Variants in HIVEP1 observed in about 807,000 individuals in gnomAD.
HIVEP1 encodes the protein zinc finger protein 40.
HIVEP1 carries 36 observed loss-of-function variants against 180.0 expected under a neutral mutation model. The ratio of observed to expected loss-of-function variants is 0.20; its 90% CI spans 0.15 to 0.26. The LOEUF is 0.26. Among genes scored for constraint, HIVEP1 ranks in the 10% least tolerant of loss-of-function variants. HIVEP1 has a pLI of 1.00. For missense variants in HIVEP1, 3,143 were observed against 3,268.7 expected (o/e 0.96, Z 0.94); for synonymous variants, 1,239 against 1,239.0 (o/e 1.00, Z 0.00).
At chr6:12,008,920 A>G (rs1767136489), upstream of HIVEP1, 1 of 152,336 alleles carries the variant, frequency 6.6e-6, no homozygotes, top group Non-Finnish European at 1.5e-5. Flanking sequence ...TGGCTTGGGA[A>G]GAGCCTGGGC....
chr6:12,208,154 A>T, the HIVEP1 span, among the ~76,000 whole-genome samples: 1 of 152,206 alleles, frequency 6.6e-6, no homozygotes, highest in Non-Finnish European at 1.5e-5. Context: ...TTCCATAGAT[A>T]ATAGTAGTTA....
At chr6:12,112,213 G>T (rs896524708) in intron 3 of HIVEP1, among the ~76,000 whole-genome samples, 4 of 151,682 alleles carry the variant, frequency 2.6e-5, no homozygotes, top group African/African-American at 2.4e-5. Context: ...TCTTTCAGTA[G>T]TGTAAAAATA....
rs185178689 is a variant in HIVEP1 at position 12,163,368 on chromosome 6, A to G, written c.7064A>G (p.His2355Arg). 8.7e-6 allele frequency: 14 copies of G among 1,614,172 alleles called. No homozygotes were observed. The Admixed American group carries it at 1.2e-4, about 13-fold the overall frequency. Reference sequence around the variant, plus strand: ...GGGATGCCTTCTGTGGCCTCACCACATCCTGACCCTCAAGAACAGAAGCAG... The same window carrying G: ...GGGATGCCTTCTGTGGCCTCACCACGTCCTGACCCTCAAGAACAGAAGCAG... ...AAGMPSVASP[H>R]PDPQEQKQQI... The change falls in exon 9 of 9, where the codon CAT (histidine) becomes CGT (arginine). Residue 2355 changes from histidine to arginine, a missense_variant. Physicochemically the swap from His to Arg is conservative, Grantham distance 29. This residue lies in a region of HIVEP1 where 595 missense variants were observed against 602.2 expected (regional missense o/e 0.99). Transcript: ENST00000379388.
At chr6:12,115,031 T>C (rs1437306596) in intron 3 of HIVEP1, among the ~76,000 whole-genome samples, 1 of 152,170 alleles carries the variant, frequency 6.6e-6, no homozygotes, top group East Asian at 1.9e-4. Context: ...TATTTGGAGG[T>C]TCACCTTCAA....
the HIVEP1 span, among the ~76,000 whole-genome samples, chr6:12,172,030 G>A: frequency 6.6e-6 from 1 of 152,156 alleles, no homozygotes; most frequent in African/African-American, 2.4e-5. Flanking sequence ...AGGCAGCTGA[G>A]AAGAGCCTGG....
the HIVEP1 span, among the ~76,000 whole-genome samples, chr6:12,210,248 A>G: frequency 6.6e-6 from 1 of 152,264 alleles, no homozygotes; most frequent in Non-Finnish European, 1.5e-5. Flanking sequence ...CAAGGTAGAA[A>G]GTGCAGAAAT....
chr6:12,026,334 A>C (rs759333559), intron 2 of HIVEP1, among the ~76,000 whole-genome samples: 3 of 152,218 alleles, frequency 2.0e-5, no homozygotes, highest in African/African-American at 7.2e-5. Context: ...GGAGGAGTCA[A>C]CTTTCTTCTT....
At chr6:12,061,485 G>A (rs181978412) in intron 2 of HIVEP1, among the ~76,000 whole-genome samples, 1 of 152,222 alleles carries the variant, frequency 6.6e-6, no homozygotes, top group African/African-American at 2.4e-5. Context: ...GGTGTAGCTG[G>A]CTAATAGAAG....
chr6:12,084,308 A>G (rs1308908726), intron 2 of HIVEP1, among the ~76,000 whole-genome samples: 1 of 152,118 alleles, frequency 6.6e-6, no homozygotes, highest in Non-Finnish European at 1.5e-5. Context: ...TTTGTTTGAA[A>G]TATTGCTAGT....
At chr6:12,192,088 A>G in the HIVEP1 span, among the ~76,000 whole-genome samples, 631 of 152,318 alleles carry the variant, frequency 4.1e-3, 4 homozygotes, top group African/African-American at 0.015. Context: ...TAAGTGTACA[A>G]ATTAATTTTA....
intron 3 of HIVEP1, among the ~76,000 whole-genome samples, chr6:12,105,713 C>G (rs1774380323): frequency 6.6e-6 from 1 of 152,174 alleles, no homozygotes; most frequent in Non-Finnish European, 1.5e-5. Flanking sequence ...CACACACGCT[C>G]TCACACAGAC....
At chr6:12,209,762 T>A in the HIVEP1 span, among the ~76,000 whole-genome samples, 1 of 152,228 alleles carries the variant, frequency 6.6e-6, no homozygotes, top group Non-Finnish European at 1.5e-5. Context: ...ATAGCTTAAT[T>A]AATTATGTTA....
At position 12,115,597 on chromosome 6, in the gene HIVEP1, C is replaced by T. The variant is rs2327513; in HGVS notation, c.95-4293C>T. On this transcript the variant is annotated intron_variant, in intron 3 of 8. Coordinates refer to ENST00000379388, the MANE Select transcript of HIVEP1 (RefSeq NM_002114.4). ...TTTCTGCTTGATTTTCAGTCATTAC[C>T]GGTAGCACACTGACAAGTGGGAGAA... Among the ~76,000 whole-genome samples, 842 of 151,920 alleles carry T rather than the reference C, an allele frequency of 5.5e-3. 4 individuals carry two copies. The highest frequency in any genetic ancestry group is 0.019 in the African/African-American group (789 of 41,382).
intron 2 of HIVEP1, among the ~76,000 whole-genome samples, chr6:12,054,134 G>C (rs1770713445): frequency 6.6e-6 from 1 of 152,098 alleles, no homozygotes; most frequent in Admixed American, 6.5e-5. Context: ...ACTTTAATCT[G>C]TCAATTGTGA....
Position 12,120,243 on chromosome 6 carries a change from G to A in HIVEP1, c.448G>A (p.Gly150Ser). 6.2e-7 allele frequency: 1 copy of A among 1,614,180 alleles called. No individual in the cohort carries two copies. ...TGAACTGCGTAGATGGAGATCCGAA[G>A]GCGCTGATCCTGCCAAATTCAGTGA... is the stretch of plus-strand genomic sequence containing the variant. ...PSELRRWRSE[G>S]ADPAKFSDLD... The change falls in exon 4 of 9, where the codon GGC (glycine) becomes AGC (serine). Residue 150 changes from glycine (G) to serine (S), a missense_variant. Coordinates refer to ENST00000379388, the MANE Select transcript of HIVEP1 (RefSeq NM_002114.4).
At chr6:12,011,821 T>TC (rs1412647070), upstream of HIVEP1, among the ~76,000 whole-genome samples, 1 of 145,538 alleles carries the variant, frequency 6.9e-6, no homozygotes, top group Non-Finnish European at 1.5e-5. Context: ...CGCCTGGGCG[T>TC]CCCGCGCCCC....
chr6:12,165,005 G>A (rs1760659729), downstream of HIVEP1: 1 of 383,572 alleles, frequency 2.6e-6, no homozygotes. Flanking sequence ...CTTTACCATT[G>A]CTTCAGTTGT....
intron 2 of HIVEP1, among the ~76,000 whole-genome samples, chr6:12,046,877 T>TGTGTG (rs1554135012): frequency 6.2e-5 from 3 of 48,142 alleles, no homozygotes; most frequent in East Asian, 1.2e-3. Context: ...GTGTGTGTGT[T>TGTGTG]TGAGATGGAG....
chr6:12,161,571 C>G lies in HIVEP1; in HGVS notation c.6620C>G (p.Pro2207Arg). 2 of 1,614,052 alleles carry G rather than the reference C, an allele frequency of 1.2e-6. No homozygotes were observed. Among genetic ancestry groups the G allele is most frequent in the African/African-American group, 2.7e-5 (2 of 75,008 alleles). The change falls in exon 8 of 9, where the codon CCC (proline) becomes CGC (arginine). Residue 2207 changes from proline (P) to arginine (R), a missense_variant. This residue lies in a region of HIVEP1 where 126 missense variants were observed against 168.5 expected (regional missense o/e 0.75). Coordinates refer to ENST00000379388, the MANE Select transcript of HIVEP1 (RefSeq NM_002114.4). Reference protein sequence around the residue: ...SQAESVLSATPSVTASPQHLP... With the variant: ...SQAESVLSATRSVTASPQHLP... ...GCTGAATCAGTCCTGTCAGCCACAC[C>G]CTCAGTCACAGCTAGCCCGCAGCAC...
Sources: gnomAD v4.1 joint callset for allele counts (sites outside exome capture counted in the v4.1 genomes callset) on GRCh38, gnomAD v4.1.1 for gene constraint, gnomAD v4.1.1 regional missense constraint, MANE v1.5 for transcripts, NCBI Gene and HGNC (gene_info 2026-07-23, HGNC 2026-07-21) for gene names.